PHF24: variants seen among roughly 807,000 people sequenced by gnomAD.
PHF24 encodes the protein PHD finger protein 24, also known as Galpha inhibitory interacting protein.
In PHF24, 25 loss-of-function variants were observed where a neutral mutation model predicts 42.6. The ratio of observed to expected loss-of-function variants is 0.59; its 90% CI spans 0.43 to 0.82. The LOEUF is 0.82. PHF24 is among the 40% of genes least tolerant of loss of function. PHF24 has a pLI of 0.00. For missense variants in PHF24, 470 were observed against 538.1 expected, an observed-to-expected ratio of 0.87 and a Z score of 1.25; for synonymous variants, 185 against 204.8, an observed-to-expected ratio of 0.90 and a Z score of 0.83.
chr9:34,881,210 A>G, the PHF24 span, among the ~76,000 whole-genome samples: 1 of 152,132 alleles, frequency 6.6e-6, no homozygotes. Flanking sequence ...ATTTAAAGCA[A>G]TGTTTAGAAG....
the PHF24 span, among the ~76,000 whole-genome samples, chr9:34,915,937 C>T: frequency 6.6e-6 from 1 of 151,878 alleles, no homozygotes; most frequent in Admixed American, 6.6e-5. Context: ...CACCACCAAC[C>T]CTGGTGCTGT....
At chr9:34,698,749 G>A in the PHF24 span, among the ~76,000 whole-genome samples, 1 of 152,146 alleles carries the variant, frequency 6.6e-6, no homozygotes, top group Non-Finnish European at 1.5e-5. Context: ...CAAAGTGCTG[G>A]GATTACAGGT....
At chr9:34,878,947 A>G in the PHF24 span, among the ~76,000 whole-genome samples, 2 of 152,198 alleles carry the variant, frequency 1.3e-5, no homozygotes, top group African/African-American at 4.8e-5. Context: ...CCTAACTGGG[A>G]GACACCTCCC....
chr9:34,835,146 G>A, the PHF24 span: 3 of 1,546,794 alleles, frequency 1.9e-6, no homozygotes, highest in South Asian at 3.6e-5. Context: ...TGACAGTGGT[G>A]TCTTTGTTCT....
At chr9:34,697,432 G>T in the PHF24 span, among the ~76,000 whole-genome samples, 2 of 152,054 alleles carry the variant, frequency 1.3e-5, no homozygotes, top group Non-Finnish European at 2.9e-5. Context: ...CGATTCTCTT[G>T]CCTCAGCCTC....
chr9:34,694,159 C>CTTTTTT, the PHF24 span, among the ~76,000 whole-genome samples: 99 of 66,184 alleles, frequency 1.5e-3, 7 homozygotes, highest in East Asian at 2.4e-3. Flanking sequence ...TATCTCTATT[C>CTTTTTT]TTTTTTTTTT....
chr9:34,721,146 A>G, the PHF24 span, among the ~76,000 whole-genome samples: 1 of 152,180 alleles, frequency 6.6e-6, no homozygotes, highest in Non-Finnish European at 1.5e-5. Context: ...CAGACTGTCA[A>G]CTTGGGGACT....
the PHF24 span, among the ~76,000 whole-genome samples, chr9:34,741,520 G>A: frequency 2.0e-5 from 3 of 151,894 alleles, no homozygotes; most frequent in African/African-American, 4.8e-5. Flanking sequence ...GTGCCACCAC[G>A]CCCAGCTAAT....
upstream of PHF24, among the ~76,000 whole-genome samples, chr9:34,956,002 T>A (rs993966481): frequency 6.6e-6 from 1 of 152,178 alleles, no homozygotes; most frequent in South Asian, 2.1e-4. Context: ...CAACAATAAT[T>A]TAAATGGTCA....
At chr9:34,813,236 T>C in the PHF24 span, among the ~76,000 whole-genome samples, 1 of 152,170 alleles carries the variant, frequency 6.6e-6, no homozygotes, top group Non-Finnish European at 1.5e-5. Context: ...CTTGCCTTTA[T>C]AAATAGTCTC....
the PHF24 span, among the ~76,000 whole-genome samples, chr9:34,836,328 T>A: frequency 2.0e-5 from 3 of 152,206 alleles, no homozygotes; most frequent in African/African-American, 7.2e-5. Flanking sequence ...TTGGCCTTGT[T>A]GAGAAGCTGA....
the PHF24 span, among the ~76,000 whole-genome samples, chr9:34,880,466 C>T: frequency 2.6e-3 from 391 of 152,242 alleles, no homozygotes; most frequent in African/African-American, 8.7e-3. Flanking sequence ...AAACCCATCT[C>T]ATGTGCAGAG....
the PHF24 span, among the ~76,000 whole-genome samples, chr9:34,754,339 T>C: frequency 6.6e-6 from 1 of 152,068 alleles, no homozygotes; most frequent in Non-Finnish European, 1.5e-5. Flanking sequence ...ACAAATCAAA[T>C]AATCTGATTT....
At chr9:34,779,500 T>A in the PHF24 span, among the ~76,000 whole-genome samples, 4 of 152,170 alleles carry the variant, frequency 2.6e-5, no homozygotes, top group African/African-American at 9.6e-5. Context: ...TTGGAGAAAT[T>A]GACAGGCTAA....
At chr9:34,839,797 A>G in the PHF24 span, among the ~76,000 whole-genome samples, 3 of 152,226 alleles carry the variant, frequency 2.0e-5, no homozygotes, top group African/African-American at 7.2e-5. Context: ...TCAAGAGCCA[A>G]TGGCTTATTT....
chr9:34,919,575 T>C, the PHF24 span, among the ~76,000 whole-genome samples: 3 of 152,090 alleles, frequency 2.0e-5, no homozygotes, highest in Middle Eastern at 3.4e-3. Flanking sequence ...ATTCCAATGA[T>C]CTCTTTTAGT....
chr9:34,686,848 A>G, the PHF24 span, among the ~76,000 whole-genome samples: 1 of 152,276 alleles, frequency 6.6e-6, no homozygotes, highest in South Asian at 2.1e-4. Flanking sequence ...CTCCTGGCCC[A>G]CCAGAACTCT....
chr9:34,854,229 C>T, the PHF24 span, among the ~76,000 whole-genome samples: 2 of 144,572 alleles, frequency 1.4e-5, no homozygotes, highest in African/African-American at 2.5e-5. Flanking sequence ...AATCAGCTTC[C>T]AGATTCGTTG....
chr9:34,894,344 A>G, the PHF24 span: 1 of 397,478 alleles, frequency 2.5e-6, no homozygotes, highest in Non-Finnish European at 4.4e-6. Context: ...TCTCCCTCCC[A>G]TCCATTTTCC....
Sources: gnomAD v4.1 joint callset for allele counts (sites outside exome capture counted in the v4.1 genomes callset) on GRCh38, gnomAD v4.1.1 for gene constraint, MANE v1.5 for transcripts, NCBI Gene and HGNC (gene_info 2026-07-23, HGNC 2026-07-21) for gene names.